The following CDH13 variants were observed in gnomAD, a reference collection of about 807,000 sequenced individuals.
CDH13 encodes the protein cadherin 13.
A neutral mutation model predicts 63.8 loss-of-function variants in CDH13; 24 were observed. The ratio of observed to expected loss-of-function variants is 0.38; its 90% CI spans 0.27 to 0.53. CDH13 has a LOEUF of 0.53. Among genes scored for constraint, CDH13 ranks in the 20% least tolerant of loss-of-function variants. CDH13 has a pLI of 0.85. For synonymous variants in CDH13, 503 were observed against 355.3 expected (o/e 1.42, Z -4.67); for missense variants, 1,049 against 903.1 (o/e 1.16, Z -2.07).
intron 1 of CDH13, among the ~76,000 whole-genome samples, chr16:82,818,239 A>G (rs1486415975): frequency 6.6e-6 from 1 of 152,120 alleles, no homozygotes; most frequent in Non-Finnish European, 1.5e-5. Context: ...TCTGTTACGT[A>G]GATGAGGAAT....
Position 83,235,415 on chromosome 16 carries a change from C to T in CDH13, c.636+17918C>T, listed in dbSNP as rs113551347. 3.7e-4 allele frequency among the ~76,000 whole-genome samples: 56 copies of T among 152,300 alleles called. No individual in the cohort carries two copies. The South Asian group carries it at 6.6e-3, about 18-fold the overall frequency. On this transcript the variant is annotated intron_variant, in intron 5 of 13. Transcript: ENST00000567109. ...AAAGCCCTATTATGTGAGCCTTCAT[C>T]TAACCGAATCATGTTTTCACTGACT... is the stretch of plus-strand genomic sequence containing the variant.
intron 1 of CDH13, among the ~76,000 whole-genome samples, chr16:82,671,624 A>G (rs969470868): frequency 6.6e-6 from 1 of 152,198 alleles, no homozygotes; most frequent in Non-Finnish European, 1.5e-5. Context: ...CTGAAAGAGC[A>G]TAGGCCACCC....
intron 8 of CDH13, among the ~76,000 whole-genome samples, chr16:83,631,611 G>C (rs1223163026): frequency 6.6e-6 from 1 of 152,104 alleles, no homozygotes; most frequent in East Asian, 1.9e-4. Flanking sequence ...AAGAGGAAAG[G>C]AAAGAGGGAT....
At chr16:83,761,989 C>A (rs1010525600) in intron 11 of CDH13, among the ~76,000 whole-genome samples, 3 of 152,070 alleles carry the variant, frequency 2.0e-5, no homozygotes, top group African/African-American at 7.2e-5. Context: ...ATCGCTTGAC[C>A]CTGGGAGGCA....
chr16:83,664,792 C>T (rs1169938435), intron 8 of CDH13, among the ~76,000 whole-genome samples: 1 of 152,050 alleles, frequency 6.6e-6, no homozygotes, highest in Non-Finnish European at 1.5e-5. Context: ...CATAATTGGC[C>T]ACAGGTACAG....
At chr16:83,479,862 C>T (rs2073712852) in intron 6 of CDH13, among the ~76,000 whole-genome samples, 1 of 152,274 alleles carries the variant, frequency 6.6e-6, no homozygotes, top group African/African-American at 2.4e-5. Flanking sequence ...TAAATAGATA[C>T]ACGGTATTCT....
intron 6 of CDH13, among the ~76,000 whole-genome samples, chr16:83,428,305 T>C (rs2071979398): frequency 6.6e-6 from 1 of 152,110 alleles, no homozygotes; most frequent in South Asian, 2.1e-4. Context: ...GAAATATGTT[T>C]TTTTGTTTTT....
chr16:83,033,302 C>T (rs1916545534), intron 3 of CDH13, among the ~76,000 whole-genome samples: 1 of 151,712 alleles, frequency 6.6e-6, no homozygotes, highest in African/African-American at 2.4e-5. Context: ...GTTTACGGTT[C>T]TGTATATATA....
intron 7 of CDH13, among the ~76,000 whole-genome samples, chr16:83,506,484 T>A (rs960176912): frequency 6.6e-6 from 1 of 152,226 alleles, no homozygotes; most frequent in African/African-American, 2.4e-5. Context: ...ATTGTACCAC[T>A]ACGTTCCTAA....
At chr16:83,544,075 G>C (rs912378728) in intron 7 of CDH13, among the ~76,000 whole-genome samples, 16 of 152,292 alleles carry the variant, frequency 1.1e-4, no homozygotes, top group African/African-American at 3.6e-4. Context: ...GTGGTTACTA[G>C]GTGGGGTGCT....
rs560180598 is a variant in CDH13 at position 83,738,004 on chromosome 16, G to A, written c.1539-10104G>A. On this transcript the variant is annotated intron_variant, in intron 10 of 13. Coordinates refer to ENST00000567109, the MANE Select transcript of CDH13 (RefSeq NM_001257.5). ...AGTAATGTATATGAATACATACATC[G>A]TACGCCACCTCCTCAGTGATCAATG... Among the ~76,000 whole-genome samples the A allele has an allele frequency of 1.2e-4, 19 of 152,228 alleles. No individual in the cohort carries two copies. The East Asian group carries it at 3.1e-3, about 25-fold the overall frequency.
intron 7 of CDH13, among the ~76,000 whole-genome samples, chr16:83,546,719 C>T (rs940937650): frequency 6.6e-6 from 1 of 152,138 alleles, no homozygotes; most frequent in African/African-American, 2.4e-5. Flanking sequence ...TCCCTGACCT[C>T]AGAGTAAACA....
intron 5 of CDH13, among the ~76,000 whole-genome samples, chr16:83,269,657 A>G (rs715870): frequency 0.011 from 1,671 of 152,262 alleles, 21 homozygotes; most frequent in South Asian, 0.038. Flanking sequence ...ATTAGGTCCT[A>G]TCATTTCACA....
chr16:83,433,884 C>G (rs1180120710), intron 6 of CDH13, among the ~76,000 whole-genome samples: 1 of 152,098 alleles, frequency 6.6e-6, no homozygotes, highest in African/African-American at 2.4e-5. Flanking sequence ...AAAGCACACT[C>G]TTAATCTAAA....
intron 6 of CDH13, among the ~76,000 whole-genome samples, chr16:83,410,507 G>A (rs905672981): frequency 1.3e-5 from 2 of 152,064 alleles, no homozygotes; most frequent in African/African-American, 2.4e-5. Context: ...CTGGCAAATA[G>A]CATTTGAGAA....
intron 1 of CDH13, among the ~76,000 whole-genome samples, chr16:82,738,787 A>T (rs1476236423): frequency 6.6e-6 from 1 of 152,204 alleles, no homozygotes; most frequent in Non-Finnish European, 1.5e-5. Context: ...AATTTCATAT[A>T]ACCTTGGTGG....
intron 7 of CDH13, among the ~76,000 whole-genome samples, chr16:83,488,246 C>T (rs1000993183): frequency 6.6e-6 from 1 of 152,222 alleles, no homozygotes; most frequent in African/African-American, 2.4e-5. Context: ...GAAGGTTCTA[C>T]TGGGCAACAA....
At chr16:83,162,921 T>A (rs1452050988) in intron 4 of CDH13, among the ~76,000 whole-genome samples, 3 of 152,102 alleles carry the variant, frequency 2.0e-5, no homozygotes, top group Non-Finnish European at 2.9e-5. Flanking sequence ...TCTAGCACAC[T>A]CATTGATATG....
At chr16:82,957,894 A>T (rs1233787553) in intron 2 of CDH13, among the ~76,000 whole-genome samples, 3 of 152,238 alleles carry the variant, frequency 2.0e-5, no homozygotes, top group Non-Finnish European at 2.9e-5. Flanking sequence ...GATAGCTGGA[A>T]AATGTGCACT....
Sources: allele counts gnomAD v4.1 joint callset (sites outside exome capture counted in the v4.1 genomes callset), GRCh38; gene constraint gnomAD v4.1.1; transcripts MANE v1.5; gene names NCBI Gene and HGNC (gene_info 2026-07-23, HGNC 2026-07-21).